Variants in DIP2C observed in about 807,000 individuals in gnomAD.
The protein encoded by DIP2C is disco-interacting protein 2 homolog C.
DIP2C carries 33 observed loss-of-function variants against 192.4 expected under a neutral mutation model. The ratio of observed to expected loss-of-function variants is 0.17; its 90% confidence interval spans 0.13 to 0.23. The LOEUF is 0.23. DIP2C is among the 10% of genes least tolerant of loss of function. The pLI is 1.00. For missense variants in DIP2C, 1,537 were observed against 2,110.1 expected (o/e 0.73, Z 5.32); for synonymous variants, 979 against 864.1 (o/e 1.13, Z -2.33).
chr10:393,290 G>A (rs1243046628), intron 10 of DIP2C, among the ~76,000 whole-genome samples: 3 of 152,132 alleles, frequency 2.0e-5, no homozygotes, highest in African/African-American at 4.8e-5. Context: ...TTAACTACAC[G>A]AATATGCTCA....
At chr10:580,097 TTGTA>T (rs1286613873) in intron 1 of DIP2C, among the ~76,000 whole-genome samples, 3 of 152,248 alleles carry the variant, frequency 2.0e-5, no homozygotes, top group East Asian at 1.9e-4. Flanking sequence ...ACATGCACAT[TTGTA>T]TGTACATAGG....
At chr10:579,847 TAC>T (rs905013842) in intron 1 of DIP2C, among the ~76,000 whole-genome samples, 9 of 152,154 alleles carry the variant, frequency 5.9e-5, no homozygotes, top group Middle Eastern at 3.4e-3. Context: ...CACACATCTG[TAC>T]AGTGTACATG....
chr10:565,183 C>T (rs1318846984), intron 1 of DIP2C, among the ~76,000 whole-genome samples: 3 of 152,076 alleles, frequency 2.0e-5, no homozygotes, highest in Non-Finnish European at 2.9e-5. Context: ...CAAGAGAACA[C>T]GTCCATTCCA....
In DIP2C at chr10:666,674, TAAA is replaced by T. The variant is rs1857120985; in HGVS notation, c.85+22817_85+22819del. 6.6e-6 allele frequency: 1 copy of T among 151,280 alleles called. No homozygotes were observed. The highest frequency in any genetic ancestry group is 2.4e-5 in the African/African-American group (1 of 40,914). 9.4% of individuals were successfully genotyped at this position (151,280 alleles called of 1,614,324 possible). A position where few individuals can be genotyped will look rare whatever the true frequency, so the allele number is the denominator to read the frequency against. On this transcript the variant is annotated intron_variant, in intron 1 of 36. Coordinates refer to ENST00000280886, the MANE Select transcript of DIP2C (RefSeq NM_014974.3). This position sits in a 1 kb window ranked among gnomAD's most constrained non-coding sequence, Gnocchi z 4.1. Reference sequence around the variant, plus strand: ...CTGCGCACAGCTATTAAAAGTTCAATAAACGTGGTGGCAGCAGCTGAACTGGCT... The same window carrying T: ...CTGCGCACAGCTATTAAAAGTTCAATCGTGGTGGCAGCAGCTGAACTGGCT...
At chr10:343,020 T>A (rs940533056) in intron 28 of DIP2C, among the ~76,000 whole-genome samples, 2 of 152,054 alleles carry the variant, frequency 1.3e-5, no homozygotes, top group Non-Finnish European at 2.9e-5. Flanking sequence ...CTGGGCAAGG[T>A]GGCTCACGCC....
chr10:348,920 G>A (rs1223383571), intron 25 of DIP2C, among the ~76,000 whole-genome samples, 158 bp from the exon 26 acceptor site: 1 of 152,146 alleles, frequency 6.6e-6, no homozygotes, highest in East Asian at 1.9e-4. Flanking sequence ...TGTCAGCTTT[G>A]GCGGTCACTG....
chr10:444,419 C>T (rs1314285206), intron 3 of DIP2C, among the ~76,000 whole-genome samples: 1 of 150,744 alleles, frequency 6.6e-6, no homozygotes, highest in East Asian at 1.9e-4. Flanking sequence ...TGGCGCTCTT[C>T]CATCATCCGA....
chr10:290,833 C>T (rs557843194), intron 32 of DIP2C, among the ~76,000 whole-genome samples: 10 of 152,224 alleles, frequency 6.6e-5, no homozygotes, highest in Non-Finnish European at 1.3e-4. Context: ...TCCATTTCTG[C>T]GGCCAATCCT....
intron 29 of DIP2C, among the ~76,000 whole-genome samples, chr10:338,382 C>T (rs995920673): frequency 3.9e-5 from 6 of 152,072 alleles, no homozygotes; most frequent in African/African-American, 1.4e-4. Context: ...CCTGGGCAAC[C>T]TCCACTCCTG....
intron 1 of DIP2C, among the ~76,000 whole-genome samples, chr10:655,301 T>A (rs1412267804): frequency 6.6e-6 from 1 of 152,240 alleles, no homozygotes; most frequent in East Asian, 1.9e-4. Flanking sequence ...GATGTCCATG[T>A]GTCTGTTTCT....
intron 1 of DIP2C, among the ~76,000 whole-genome samples, chr10:605,984 C>T (rs1252078133): frequency 6.6e-6 from 1 of 152,326 alleles, no homozygotes; most frequent in African/African-American, 2.4e-5. Flanking sequence ...ACGTTCCCCC[C>T]CACTTCCGGC....
At chr10:635,813 G>T (rs375465851) in intron 1 of DIP2C, among the ~76,000 whole-genome samples, 1 of 152,186 alleles carries the variant, frequency 6.6e-6, no homozygotes, top group Non-Finnish European at 1.5e-5. Flanking sequence ...CTCAGTGAAG[G>T]GTCTTGTCAG....
chr10:467,508 G>A (rs1399429116), intron 3 of DIP2C, among the ~76,000 whole-genome samples: 2 of 134,342 alleles, frequency 1.5e-5, no homozygotes, highest in African/African-American at 2.8e-5. Flanking sequence ...ATGTGCACAT[G>A]TACCCTAAAA....
intron 10 of DIP2C, among the ~76,000 whole-genome samples, chr10:392,781 G>A (rs912575997): frequency 3.3e-4 from 50 of 151,486 alleles, no homozygotes; most frequent in African/African-American, 1.1e-3. Flanking sequence ...ACTCTCACAC[G>A]CGCCCATGCA....
intron 32 of DIP2C, among the ~76,000 whole-genome samples, chr10:300,538 G>A (rs1955977975): frequency 6.6e-6 from 1 of 152,168 alleles, no homozygotes; most frequent in Non-Finnish European, 1.5e-5. Flanking sequence ...TAAGTGCGTG[G>A]AGAAACCAGA....
rs974339291 is a variant in DIP2C at position 662,817 on chromosome 10, G to A, written c.85+26677C>T. 1.0e-4 allele frequency: 72 copies of A among 716,704 alleles called. No individual in the cohort carries two copies. In the East Asian group the frequency reaches 1.8e-3, roughly 18 times the overall value. The allele number at this position is 716,704 out of a possible 1,614,324, so 44.4% of individuals were successfully genotyped here. A position where few individuals can be genotyped will look rare whatever the true frequency, so the allele number is the denominator to read the frequency against. ...AGAACCAAAACTGTGGCAGGCCTGCGATGGCTGTGGTTGAGGAAAGAGGCC... is the reference window on the plus strand; with the variant it reads ...AGAACCAAAACTGTGGCAGGCCTGCAATGGCTGTGGTTGAGGAAAGAGGCC... On this transcript the variant is annotated intron_variant, in intron 1 of 36. Coordinates refer to ENST00000280886, the MANE Select transcript of DIP2C (RefSeq NM_014974.3).
chr10:444,305 G>C (rs79005617), intron 3 of DIP2C, among the ~76,000 whole-genome samples: 421 of 104,448 alleles, frequency 4.0e-3, no homozygotes, highest in African/African-American at 0.027. Context: ...CCTTGGCACT[G>C]TTCCGTCACC....
chr10:363,453 T>G lies in DIP2C; in HGVS notation c.2478-142A>C. ...CAAAACGGCCGCTGTACTTCCGAAT[T>G]TCCCCACACTCATCAGTACGGGAAG... On this transcript the variant is annotated intron_variant, in intron 20 of 36. Coordinates refer to ENST00000280886, the MANE Select transcript of DIP2C (RefSeq NM_014974.3). The surrounding 1 kb of genome is among the most constrained non-coding windows in gnomAD (Gnocchi z 5.4). The G allele has an allele frequency of 1.5e-6, 1 of 687,738 alleles. No homozygotes were observed. The highest frequency in any genetic ancestry group is 2.5e-6 in the Non-Finnish European group (1 of 401,258). 42.6% of individuals were successfully genotyped at this position (687,738 alleles called of 1,614,324 possible).
At chr10:571,316 C>A (rs1446449972) in intron 1 of DIP2C, among the ~76,000 whole-genome samples, 1 of 152,214 alleles carries the variant, frequency 6.6e-6, no homozygotes. Flanking sequence ...CAATCAGCTC[C>A]CCCCGGCCAT....
Sources: gnomAD v4.1 joint callset for allele counts (sites outside exome capture counted in the v4.1 genomes callset) on GRCh38, gnomAD v4.1.1 for gene constraint, Gnocchi (gnomAD v3.1) non-coding constraint, MANE v1.5 for transcripts, NCBI Gene and HGNC (gene_info 2026-07-23, HGNC 2026-07-21) for gene names.